Variants in TMEM132D observed in about 807,000 individuals in gnomAD.
TMEM132D encodes the protein mature OL transmembrane protein.
In TMEM132D, 21 loss-of-function variants were observed where a neutral mutation model predicts 62.3. That is an observed-to-expected ratio of 0.34 (90% CI 0.24 to 0.49). The LOEUF (loss-of-function observed/expected upper bound fraction) is 0.49, where lower values mean the gene tolerates loss of function less well. Among genes scored for constraint, TMEM132D ranks in the 20% least tolerant of loss-of-function variants. The pLI is 0.99. For missense variants in TMEM132D, 1,346 were observed against 1,402.8 expected, an observed-to-expected ratio of 0.96 and a Z score of 0.65; for synonymous variants, 621 against 575.6, an observed-to-expected ratio of 1.08 and a Z score of -1.13.
At chr12:129,764,710 G>A (rs2137277906) in intron 1 of TMEM132D, among the ~76,000 whole-genome samples, 1 of 152,298 alleles carries the variant, frequency 6.6e-6, no homozygotes, top group Admixed American at 6.5e-5. Context: ...GGAGGTCGAG[G>A]TAGGAGGATT....
intron 4 of TMEM132D, among the ~76,000 whole-genome samples, chr12:129,224,670 G>T (rs540087518): frequency 6.6e-6 from 1 of 152,244 alleles, no homozygotes; most frequent in South Asian, 2.1e-4. Context: ...CACTTTGGAC[G>T]TCGAGGCAGC....
At chr12:129,258,411 C>T (rs77150385) in intron 4 of TMEM132D, among the ~76,000 whole-genome samples, 11,102 of 152,124 alleles carry the variant, frequency 0.073, 581 homozygotes, top group Admixed American at 0.17. Context: ...AAAATAGAAA[C>T]GTTCCAGTCT....
At chr12:129,732,378 G>A (rs776896310) in intron 1 of TMEM132D, among the ~76,000 whole-genome samples, 2 of 152,156 alleles carry the variant, frequency 1.3e-5, no homozygotes, top group African/African-American at 4.8e-5. Context: ...GACTGAAATA[G>A]TTTAAACATT....
intron 4 of TMEM132D, among the ~76,000 whole-genome samples, chr12:129,284,636 T>A (rs1201524584): frequency 6.6e-6 from 1 of 152,248 alleles, no homozygotes; most frequent in African/African-American, 2.4e-5. Context: ...CAGGACCATG[T>A]ACAATAGGCA....
rs1366014126 is a variant in TMEM132D at position 129,541,057 on chromosome 12, A to AC, written c.969-9853dup. Among the ~76,000 whole-genome samples the AC allele has an allele frequency of 3.3e-5, 5 of 152,372 alleles. No individual in the cohort carries two copies. The East Asian group carries it at 9.6e-4, about 29-fold the overall frequency. The stretch of plus-strand genomic sequence containing the variant: ...CTAACATTCTAGTGGAGGAGACAGA[A>AC]CGCATGCATGCACACATTTCTTACA... On this transcript the variant is annotated intron_variant, in intron 2 of 8. Transcript: ENST00000422113.
chr12:129,465,429 G>A (rs1286443915), intron 3 of TMEM132D, among the ~76,000 whole-genome samples: 3 of 152,156 alleles, frequency 2.0e-5, no homozygotes, highest in Admixed American at 6.5e-5. Flanking sequence ...TCAACATAGT[G>A]TTGGAAGTTC....
intron 5 of TMEM132D, chr12:129,084,950 T>C: frequency 3.6e-6 from 2 of 555,836 alleles, no homozygotes; most frequent in African/African-American, 1.9e-5. Context: ...GCTAGGTTGG[T>C]GGACTCCTCC....
chr12:129,386,456 ACCAACG>A (rs1235082254), intron 3 of TMEM132D, among the ~76,000 whole-genome samples: 4 of 152,072 alleles, frequency 2.6e-5, no homozygotes, highest in East Asian at 1.9e-4. Flanking sequence ...TAACACTAAT[ACCAACG>A]CCAACGCCAA....
chr12:129,134,144 GTGTC>G (rs1272106088), intron 5 of TMEM132D, among the ~76,000 whole-genome samples: 96 of 145,766 alleles, frequency 6.6e-4, no homozygotes, highest in East Asian at 2.6e-3. Context: ...CTGTGTGTGT[GTGTC>G]TGTGTCTGTG....
chr12:129,242,128 C>A (rs190135897), intron 4 of TMEM132D, among the ~76,000 whole-genome samples: 3 of 152,254 alleles, frequency 2.0e-5, no homozygotes, highest in African/African-American at 7.2e-5. Context: ...AATGCCCTTC[C>A]AAAAATGGCC....
intron 1 of TMEM132D, among the ~76,000 whole-genome samples, chr12:129,823,115 T>C (rs113893563): frequency 0.01 from 1,594 of 152,360 alleles, 31 homozygotes; most frequent in African/African-American, 0.036. Flanking sequence ...TTGTTCTTGC[T>C]TTCACCATGT....
intron 3 of TMEM132D, among the ~76,000 whole-genome samples, chr12:129,480,588 T>C (rs180841149): frequency 2.0e-5 from 3 of 152,318 alleles, no homozygotes; most frequent in Admixed American, 1.3e-4. Flanking sequence ...GGACGTTCTC[T>C]AGCATATGAC....
chr12:129,552,083 A>C (rs1876913830), intron 2 of TMEM132D, among the ~76,000 whole-genome samples: 1 of 152,202 alleles, frequency 6.6e-6, no homozygotes, highest in Non-Finnish European at 1.5e-5. Flanking sequence ...TGGGCCTGAG[A>C]GTAAATGAAT....
chr12:129,134,012 G>GAT (rs34965433), intron 5 of TMEM132D, among the ~76,000 whole-genome samples: 1,736 of 151,314 alleles, frequency 0.011, 28 homozygotes, highest in Admixed American at 0.039. Flanking sequence ...AAGAGATGAA[G>GAT]ATATATATAT....
chr12:129,642,552 C>T (rs768279879), intron 2 of TMEM132D, among the ~76,000 whole-genome samples: 9 of 152,328 alleles, frequency 5.9e-5, no homozygotes, highest in African/African-American at 2.2e-4. Flanking sequence ...AGCTCAGCTC[C>T]CAGTTCACTC....
chr12:129,286,662 G>A (rs1184942007), intron 4 of TMEM132D, among the ~76,000 whole-genome samples: 2 of 152,174 alleles, frequency 1.3e-5, no homozygotes, highest in Admixed American at 6.5e-5. Context: ...TGTGAGCAAG[G>A]CTTGACCCAT....
chr12:129,222,283 C>T (rs1036460376), intron 4 of TMEM132D, among the ~76,000 whole-genome samples: 4 of 152,140 alleles, frequency 2.6e-5, no homozygotes, highest in African/African-American at 9.7e-5. Flanking sequence ...TCCTTTTTAA[C>T]GTAAATTTCA....
chr12:129,230,929 C>T (rs1879620845), intron 4 of TMEM132D, among the ~76,000 whole-genome samples: 1 of 152,196 alleles, frequency 6.6e-6, no homozygotes, highest in African/African-American at 2.4e-5. Context: ...GTACTGCAAA[C>T]CTGCCAGCCA....
rs1043459254 is a variant in TMEM132D, at chr12:129,802,943, G to A, written c.79+100318C>T. On this transcript the variant is annotated intron_variant, in intron 1 of 8. Transcript: ENST00000422113. Reference sequence around the variant, plus strand: ...AACAAAGATCAAAAGAGACAAAGAAGGCCATTACATAATGGTAAAGGGATC... The same window carrying A: ...AACAAAGATCAAAAGAGACAAAGAAAGCCATTACATAATGGTAAAGGGATC... 5.8e-3 allele frequency among the ~76,000 whole-genome samples: 868 copies of A among 150,838 alleles called. 11 individuals carry two copies. Among genetic ancestry groups the A allele is most frequent in the African/African-American group, 0.02 (830 of 41,044 alleles).
Sources: allele counts gnomAD v4.1 joint callset (sites outside exome capture counted in the v4.1 genomes callset), GRCh38; gene constraint gnomAD v4.1.1; transcripts MANE v1.5; gene names NCBI Gene and HGNC (gene_info 2026-07-23, HGNC 2026-07-21).